The following STK3 variants were observed in gnomAD, a reference collection of about 807,000 sequenced individuals.
The protein encoded by STK3 is serine/threonine-protein kinase 3.
STK3 carries 41 observed loss-of-function variants against 58.0 expected under a neutral mutation model. The observed-to-expected ratio is 0.71, with a 90% CI of 0.55 to 0.92. The LOEUF is 0.92. STK3 is among the 40% of genes least tolerant of loss of function. The pLI, the probability that STK3 is intolerant of heterozygous loss-of-function variation, is 0.00. For missense variants in STK3, 479 were observed against 602.7 expected (o/e 0.79, Z 2.15); for synonymous variants, 170 against 191.0 (o/e 0.89, Z 0.91).
intron 9 of STK3, among the ~76,000 whole-genome samples, chr8:98,527,628 A>AAT (rs1554612530): frequency 3.9e-5 from 6 of 151,932 alleles, no homozygotes; most frequent in South Asian, 2.1e-4. Context: ...CAAATTAAAA[A>AAT]ATATATATAT....
intron 1 of STK3, among the ~76,000 whole-genome samples, chr8:98,938,692 G>C (rs185618102): frequency 6.6e-6 from 1 of 152,072 alleles, no homozygotes; most frequent in South Asian, 2.1e-4. Flanking sequence ...GCCCACCCGT[G>C]GTCCCTCGGA....
intron 1 of STK3, among the ~76,000 whole-genome samples, chr8:98,804,083 C>G (rs971190240): frequency 6.6e-6 from 1 of 151,920 alleles, no homozygotes; most frequent in Non-Finnish European, 1.5e-5. Context: ...CTCTCTGCAA[C>G]CTCCGCCTCC....
intron 1 of STK3, among the ~76,000 whole-genome samples, chr8:98,803,631 T>TA (rs1554680974): frequency 7.0e-6 from 1 of 142,396 alleles, no homozygotes; most frequent in Non-Finnish European, 1.6e-5. Context: ...AAAGAAATAG[T>TA]AAAAACAATA....
At chr8:98,528,360 T>TTTAATC (rs1192026254) in intron 9 of STK3, among the ~76,000 whole-genome samples, 2 of 152,298 alleles carry the variant, frequency 1.3e-5, no homozygotes, top group Admixed American at 1.3e-4. Flanking sequence ...TCTGGCTATA[T>TTTAATC]TGGTCTTGAT....
intron 6 of STK3, among the ~76,000 whole-genome samples, chr8:98,655,781 A>T (rs998531350): frequency 4.6e-5 from 7 of 152,134 alleles, no homozygotes; most frequent in African/African-American, 1.7e-4. Context: ...CAAAACCACA[A>T]TGAGACACCA....
chr8:98,776,306 T>C (rs965705995), intron 1 of STK3, among the ~76,000 whole-genome samples: 1 of 152,198 alleles, frequency 6.6e-6, no homozygotes, highest in Non-Finnish European at 1.5e-5. Flanking sequence ...TCTGATTGGT[T>C]TCACAAACAT....
At chr8:98,609,386 A>G (rs1817004384) in intron 6 of STK3, among the ~76,000 whole-genome samples, 1 of 152,218 alleles carries the variant, frequency 6.6e-6, no homozygotes. Flanking sequence ...AAGCCATGAA[A>G]TTTTTATCTC....
At chr8:98,937,387 G>C (rs1840235326) in intron 1 of STK3, among the ~76,000 whole-genome samples, 1 of 152,136 alleles carries the variant, frequency 6.6e-6, no homozygotes, top group African/African-American at 2.4e-5. Context: ...AGCCTGTGCT[G>C]GCATTCACTT....
intron 3 of STK3, among the ~76,000 whole-genome samples, chr8:98,764,659 G>A (rs931745742): frequency 3.3e-5 from 5 of 152,204 alleles, no homozygotes; most frequent in Non-Finnish European, 7.4e-5. Context: ...GGATAGTCTA[G>A]TTGAGTTGCC....
intron 10 of STK3, among the ~76,000 whole-genome samples, chr8:98,491,185 G>GAGAGAGAGAGAC (rs1822661046): frequency 6.6e-6 from 1 of 151,664 alleles, no homozygotes; most frequent in Non-Finnish European, 1.5e-5. Context: ...GAGAGAGAGA[G>GAGAGAGAGAGAC]AGAGAGAGAG....
intron 3 of STK3, among the ~76,000 whole-genome samples, chr8:98,878,634 G>A (rs2131891965): frequency 6.6e-6 from 1 of 152,280 alleles, no homozygotes; most frequent in East Asian, 1.9e-4. Flanking sequence ...CACAGCAGCA[G>A]GGGCCACGTG....
chr8:98,608,890 C>T (rs895715475), intron 6 of STK3, among the ~76,000 whole-genome samples: 7 of 152,174 alleles, frequency 4.6e-5, no homozygotes, highest in Non-Finnish European at 8.8e-5. Context: ...TGGTGATGAA[C>T]ATCTGATTAC....
downstream of STK3, among the ~76,000 whole-genome samples, chr8:98,398,600 G>T (rs138993682): frequency 3.9e-3 from 588 of 152,284 alleles, 3 homozygotes; most frequent in Non-Finnish European, 6.4e-3. Flanking sequence ...TAGGGGACTT[G>T]ACATCTCCTC....
intron 1 of STK3, among the ~76,000 whole-genome samples, chr8:98,930,986 C>T (rs886499308): frequency 6.6e-6 from 1 of 152,196 alleles, no homozygotes; most frequent in African/African-American, 2.4e-5. Context: ...CTTCATTTCT[C>T]AACACTCAGA....
chr8:98,752,070 G>T (rs909513020), intron 3 of STK3, among the ~76,000 whole-genome samples: 6 of 152,130 alleles, frequency 3.9e-5, no homozygotes, highest in African/African-American at 1.4e-4. Context: ...TACTATTTGA[G>T]ATTCGGCACA....
At chr8:98,480,345 C>T (rs1024308715) in intron 10 of STK3, among the ~76,000 whole-genome samples, 19 of 152,152 alleles carry the variant, frequency 1.2e-4, no homozygotes, top group African/African-American at 4.6e-4. Context: ...TCGGACTTCT[C>T]TTTAGAAAAT....
At position 98,732,515 on chromosome 8, in the gene STK3, C is replaced by T. The variant is rs117141372; in HGVS notation, c.351+16761G>A. Among the ~76,000 whole-genome samples the T allele has an allele frequency of 9.7e-3, 1,471 of 152,174 alleles. 13 individuals carry two copies. Among genetic ancestry groups the T allele is most frequent in the Non-Finnish European group, 0.014 (938 of 68,000 alleles). On this transcript the variant is annotated intron_variant, in intron 4 of 10. Transcript: ENST00000419617. ...AATTCTACGTAGGCTATCAACCAAG[C>T]ATAAAAGCAAAATAAAGACATTTTC... is the stretch of plus-strand genomic sequence containing the variant.
At chr8:98,531,246 A>G (rs527526704) in intron 9 of STK3, among the ~76,000 whole-genome samples, 13 of 152,376 alleles carry the variant, frequency 8.5e-5, no homozygotes, top group Non-Finnish European at 7.3e-5. Context: ...TTTCTTAATA[A>G]TAAGACTTGA....
chr8:98,549,381 C>T (rs534567586), intron 8 of STK3, among the ~76,000 whole-genome samples: 26 of 152,230 alleles, frequency 1.7e-4, no homozygotes, highest in South Asian at 1.0e-3. Context: ...TCTTTTCGCA[C>T]GCTTATTAGC....
Sources: allele counts gnomAD v4.1 joint callset (sites outside exome capture counted in the v4.1 genomes callset), GRCh38; gene constraint gnomAD v4.1.1; transcripts MANE v1.5; gene names NCBI Gene and HGNC (gene_info 2026-07-23, HGNC 2026-07-21).